Variants in TENM3 observed in about 807,000 individuals in gnomAD.
The protein encoded by TENM3 is teneurin-3.
TENM3 carries 63 observed loss-of-function variants against 255.1 expected under a neutral mutation model. The observed-to-expected ratio is 0.25, with a 90% CI of 0.20 to 0.30. The LOEUF is 0.30. Ranked by LOEUF, TENM3 falls within the 10% of genes least tolerant of loss-of-function variation. The pLI is 1.00. For missense variants in TENM3, 2,929 were observed against 3,461.1 expected, an observed-to-expected ratio of 0.85 and a Z score of 3.86; for synonymous variants, 1,306 against 1,322.3, an observed-to-expected ratio of 0.99 and a Z score of 0.27.
the TENM3 span, among the ~76,000 whole-genome samples, chr4:181,866,112 A>G: frequency 6.6e-6 from 1 of 152,212 alleles, no homozygotes; most frequent in Admixed American, 6.5e-5. Flanking sequence ...GATTATTTTA[A>G]TTCGTTTGAT....
At chr4:181,898,261 TACACAC>T in the TENM3 span, among the ~76,000 whole-genome samples, 1 of 149,886 alleles carries the variant, frequency 6.7e-6, no homozygotes, top group Non-Finnish European at 1.5e-5. Context: ...CATCTGCAGC[TACACAC>T]ACACACACAC....
chr4:182,582,838 T>C (rs1305310595), intron 3 of TENM3, among the ~76,000 whole-genome samples: 1 of 152,130 alleles, frequency 6.6e-6, no homozygotes, highest in Non-Finnish European at 1.5e-5. Flanking sequence ...CACATAAACA[T>C]TGAAGGAAAG....
At chr4:182,099,779 T>C in the TENM3 span, among the ~76,000 whole-genome samples, 1 of 152,052 alleles carries the variant, frequency 6.6e-6, no homozygotes, top group African/African-American at 2.4e-5. Context: ...AGAGAACAGA[T>C]GGGTGAACTT....
the TENM3 span, among the ~76,000 whole-genome samples, chr4:181,822,683 C>G: frequency 0.91 from 138,417 of 152,252 alleles, 63,468 homozygotes; most frequent in Admixed American, 0.94. Flanking sequence ...TAACGTATGA[C>G]AAGTATGTAT....
the TENM3 span, among the ~76,000 whole-genome samples, chr4:182,064,202 A>C: frequency 6.6e-6 from 1 of 151,950 alleles, no homozygotes; most frequent in Non-Finnish European, 1.5e-5. Context: ...AAAAAAAGGT[A>C]AAAGAAGGAT....
Position 182,743,177 on chromosome 4 carries a change from G to C in TENM3, c.3387G>C (p.Leu1129=), listed in dbSNP as rs375299564. ...GCACTTTATTTCTTCTAGGTATACTGTACAAGGGAAACGGGGAAAACCAGT... is the reference window on the plus strand; with the variant it reads ...GCACTTTATTTCTTCTAGGTATACTCTACAAGGGAAACGGGGAAAACCAGT... ...HHVLDVQNGI[L]YKGNGENQFI... The change falls in exon 19 of 28, where the codon CTG becomes CTC. Residue 1129 remains leucine, a synonymous_variant. Transcript: ENST00000511685. The C allele has an allele frequency of 5.6e-6, 9 of 1,612,000 alleles. No individual in the cohort carries two copies. The Admixed American group carries it at 8.3e-5, about 15-fold the overall frequency.
chr4:182,212,762 A>T (rs1561203699), intron 1 of TENM3, among the ~76,000 whole-genome samples: 1 of 152,206 alleles, frequency 6.6e-6, no homozygotes, highest in South Asian at 2.1e-4. Flanking sequence ...TGACAAGTGG[A>T]AGAAAATCAA....
intron 3 of TENM3, among the ~76,000 whole-genome samples, chr4:182,370,556 C>T (rs13435148): frequency 0.047 from 7,098 of 152,216 alleles, 300 homozygotes; most frequent in African/African-American, 0.12. Context: ...AATAACATTT[C>T]CCCTTTCTCT....
intron 6 of TENM3, among the ~76,000 whole-genome samples, chr4:182,666,809 G>A (rs368941859): frequency 1.3e-5 from 2 of 152,052 alleles, no homozygotes; most frequent in Non-Finnish European, 2.9e-5. Context: ...TGAGGTAGGA[G>A]GATCACCTGA....
At chr4:181,727,105 A>G in the TENM3 span, among the ~76,000 whole-genome samples, 1 of 152,296 alleles carries the variant, frequency 6.6e-6, no homozygotes, top group East Asian at 1.9e-4. Flanking sequence ...AAGCTTCATT[A>G]CATAGGCAAG....
chr4:182,022,332 A>G, the TENM3 span, among the ~76,000 whole-genome samples: 97 of 152,326 alleles, frequency 6.4e-4, no homozygotes, highest in Admixed American at 5.0e-3. Context: ...CTCACTTATA[A>G]GTGGAAGCAT....
At chr4:182,488,563 A>G (rs1421926978) in intron 3 of TENM3, among the ~76,000 whole-genome samples, 3 of 152,154 alleles carry the variant, frequency 2.0e-5, no homozygotes, top group Non-Finnish European at 4.4e-5. Flanking sequence ...TATATCTTGT[A>G]TAGAAAGCCA....
chr4:182,673,006 A>T lies in TENM3; in HGVS notation c.1113A>T (p.Gly371=). The change falls in exon 7 of 28, where the codon GGA becomes GGT. Residue 371 remains glycine (G), a splice_region_variant and synonymous_variant. Transcript: ENST00000511685. The part of the protein sequence containing the change: ...NTVSLPSGDN[G]KLGGFTQENN... ...CATCAGTGCATCTCTTACATTCAGG[A>T]AAATTAGGTGGATTTACGCAAGAAA... 2 of 1,570,754 alleles carry T rather than the reference A, an allele frequency of 1.3e-6. No individual in the cohort carries two copies. The highest frequency in any genetic ancestry group is 2.3e-5 in the South Asian group (2 of 86,110).
intron 24 of TENM3, among the ~76,000 whole-genome samples, chr4:182,786,571 AAAAG>A (rs1765675045): frequency 1.3e-5 from 2 of 151,894 alleles, no homozygotes; most frequent in South Asian, 4.2e-4. Flanking sequence ...AAAAAAAAAA[AAAAG>A]AAATCAGATG....
At chr4:182,039,655 A>T in the TENM3 span, among the ~76,000 whole-genome samples, 4 of 152,030 alleles carry the variant, frequency 2.6e-5, no homozygotes, top group African/African-American at 9.6e-5. Flanking sequence ...TGACACACAC[A>T]TGCACGAGAT....
the TENM3 span, among the ~76,000 whole-genome samples, chr4:181,951,793 G>A: frequency 2.0e-5 from 3 of 152,180 alleles, no homozygotes; most frequent in African/African-American, 4.8e-5. Context: ...GCAAACAAAC[G>A]AGAGAGAACA....
In TENM3 at chr4:182,772,750, GAGTA is replaced by G. The variant is rs1220208199; in HGVS notation, c.4893-718_4893-715del. 9 of 150,600 alleles carry G rather than the reference GAGTA, an allele frequency of 6.0e-5. No homozygotes were observed. In the South Asian group the frequency reaches 6.3e-4, roughly 10 times the overall value. The allele number at this position is 150,600 out of a possible 1,614,324, so 9.3% of individuals were successfully genotyped here. ...TACTCTTGTATTTGTCTGCTAAAAAGAGTAAGTGTGTAAAAAAAAAACAAATAAT... is the reference window on the plus strand; with the variant it reads ...TACTCTTGTATTTGTCTGCTAAAAAGAGTGTGTAAAAAAAAAACAAATAAT... On this transcript the variant is annotated intron_variant, in intron 22 of 27. Coordinates refer to ENST00000511685, the MANE Select transcript of TENM3 (RefSeq NM_001080477.4).
chr4:182,753,385 C>G, intron 20 of TENM3, 65 bp from the exon 21 acceptor site: 1 of 1,375,128 alleles, frequency 7.3e-7, no homozygotes, highest in Non-Finnish European at 1.0e-6. Flanking sequence ...TAATAATGGG[C>G]CTAATAGTTA....
the TENM3 span, among the ~76,000 whole-genome samples, chr4:181,883,494 G>A: frequency 1.3e-5 from 2 of 152,052 alleles, no homozygotes; most frequent in Admixed American, 6.6e-5. Flanking sequence ...TTGTTGAGGC[G>A]GAGTCTCGCT....
Sources: allele counts gnomAD v4.1 joint callset (sites outside exome capture counted in the v4.1 genomes callset), GRCh38; gene constraint gnomAD v4.1.1; transcripts MANE v1.5; gene names NCBI Gene and HGNC (gene_info 2026-07-23, HGNC 2026-07-21).